LAMA2: variants seen among roughly 807,000 people sequenced by gnomAD.
LAMA2 encodes the protein laminin subunit alpha 2.
Under a neutral mutation model 364.8 loss-of-function variants are expected in LAMA2, and 269 were observed. The ratio of observed to expected loss-of-function variants is 0.74; its 90% confidence interval spans 0.67 to 0.82. The LOEUF is 0.82. LAMA2 is among the 40% of genes least tolerant of loss of function. LAMA2 has a pLI of 0.00. For missense variants in LAMA2, 3,807 were observed against 3,873.2 expected, an observed-to-expected ratio of 0.98 and a Z score of 0.45; for synonymous variants, 1,379 against 1,370.6, an observed-to-expected ratio of 1.01 and a Z score of -0.14.
At chr6:128,905,866 T>A (rs1777427760) in intron 1 of LAMA2, among the ~76,000 whole-genome samples, 1 of 151,852 alleles carries the variant, frequency 6.6e-6, no homozygotes, top group African/African-American at 2.4e-5. Context: ...TTCCCACCTA[T>A]GATTGAGAAC....
In LAMA2 at chr6:129,049,960, T is replaced by A; in HGVS notation, c.155T>A (p.Ile52Asn). The change falls in exon 2 of 65, where the codon ATC becomes AAC. Residue 52 changes from isoleucine to asparagine, a missense_variant. Transcript: ENST00000421865. ...CTGAATCTTGCTTCTAATGCTCTTA[T>A]CACGACCAATGCAACATGTGGAGAA... ...AVLNLASNAL[I>N]TTNATCGEKG... The A allele has an allele frequency of 1.9e-6, 3 of 1,614,070 alleles. No individual in the cohort carries two copies. Among genetic ancestry groups the A allele is most frequent in the Non-Finnish European group, 2.5e-6 (3 of 1,179,930 alleles).
intron 45 of LAMA2, among the ~76,000 whole-genome samples, chr6:129,449,734 C>T (rs905391536): frequency 6.6e-6 from 1 of 151,322 alleles, no homozygotes; most frequent in African/African-American, 2.4e-5. Context: ...TTTAAAATGG[C>T]TTCTCTCTTA....
rs571223547 is a variant in LAMA2 at position 128,965,416 on chromosome 6, C to T, written c.112+82059C>T. Among the ~76,000 whole-genome samples, 48 of 152,034 alleles carry T rather than the reference C, an allele frequency of 3.2e-4. No homozygotes were observed. In the Middle Eastern group the frequency reaches 0.01, roughly 32 times the overall value. On this transcript the variant is annotated intron_variant, in intron 1 of 64. Transcript: ENST00000421865. ...TAGAAAACACAAATTCTGTTATATT[C>T]CAGGAGGAAGGAAATTGCCTTAGGA...
At chr6:129,077,287 G>A (rs977318821) in intron 3 of LAMA2, among the ~76,000 whole-genome samples, 2 of 152,044 alleles carry the variant, frequency 1.3e-5, no homozygotes, top group African/African-American at 4.8e-5. Flanking sequence ...ATATGGGAAT[G>A]TTTATAAAAC....
At chr6:129,051,157 T>C (rs1010906326) in intron 2 of LAMA2, among the ~76,000 whole-genome samples, 1 of 148,872 alleles carries the variant, frequency 6.7e-6, no homozygotes, top group Non-Finnish European at 1.5e-5. Flanking sequence ...CCTTCTTCTC[T>C]TCTCCTCGCT....
intron 1 of LAMA2, among the ~76,000 whole-genome samples, chr6:128,942,439 A>T (rs1780215290): frequency 6.6e-6 from 1 of 152,194 alleles, no homozygotes; most frequent in South Asian, 2.1e-4. Context: ...CAAAAGGAAA[A>T]GCAAAAAAAG....
chr6:129,317,076 A>G (rs971535235), intron 27 of LAMA2, among the ~76,000 whole-genome samples: 1 of 152,192 alleles, frequency 6.6e-6, no homozygotes, highest in Non-Finnish European at 1.5e-5. Flanking sequence ...TAATAGAGGA[A>G]CCAGGAGACT....
intron 3 of LAMA2, among the ~76,000 whole-genome samples, chr6:129,075,905 G>A (rs939260376): frequency 5.3e-5 from 8 of 151,942 alleles, no homozygotes; most frequent in South Asian, 4.2e-4. Flanking sequence ...CAACCAGCCC[G>A]GGCAACAAAG....
At chr6:129,233,655 G>T (rs1000573633) in intron 12 of LAMA2, among the ~76,000 whole-genome samples, 1 of 152,096 alleles carries the variant, frequency 6.6e-6, no homozygotes, top group Non-Finnish European at 1.5e-5. Context: ...CTCAGGGGAG[G>T]CAGAGACAGA....
At chr6:129,140,552 C>T (rs1400561813) in intron 4 of LAMA2, among the ~76,000 whole-genome samples, 1 of 152,064 alleles carries the variant, frequency 6.6e-6, no homozygotes, top group Non-Finnish European at 1.5e-5. Context: ...CAGGTCCTCA[C>T]AGCAAGACAG....
At chr6:129,218,281 C>T (rs561044450) in intron 12 of LAMA2, among the ~76,000 whole-genome samples, 16 of 152,140 alleles carry the variant, frequency 1.1e-4, no homozygotes, top group Admixed American at 3.3e-4. Context: ...AAGGAAGGAA[C>T]GCATTTTACT....
chr6:129,395,133 G>C (rs1157586681), intron 37 of LAMA2, among the ~76,000 whole-genome samples: 4 of 151,592 alleles, frequency 2.6e-5, no homozygotes, highest in Non-Finnish European at 4.4e-5. Context: ...CTGCTCTGGG[G>C]TTTGGCCCCA....
intron 3 of LAMA2, among the ~76,000 whole-genome samples, chr6:129,093,377 A>T (rs906647101): frequency 9.9e-5 from 15 of 151,970 alleles, no homozygotes; most frequent in Admixed American, 9.8e-4. Context: ...ACATGGGTAT[A>T]GGTGAGCTAA....
intron 22 of LAMA2, among the ~76,000 whole-genome samples, chr6:129,308,192 A>G (rs1583461189): frequency 6.6e-6 from 1 of 152,244 alleles, no homozygotes; most frequent in African/African-American, 2.4e-5. Context: ...AAAATGCAAG[A>G]GAGCTACATT....
chr6:129,057,926 C>T (rs578194855), intron 2 of LAMA2, among the ~76,000 whole-genome samples: 2 of 148,598 alleles, frequency 1.3e-5, no homozygotes, highest in South Asian at 4.2e-4. Flanking sequence ...TCATTCGAAA[C>T]ATCTTCCCAG....
chr6:128,928,470 A>C (rs1176612717), intron 1 of LAMA2, among the ~76,000 whole-genome samples: 2 of 152,214 alleles, frequency 1.3e-5, no homozygotes, highest in African/African-American at 4.8e-5. Flanking sequence ...ACAGCTGATG[A>C]AACTAAATCC....
chr6:129,464,196 A>G, intron 49 of LAMA2, 94 bp from the exon 50 acceptor site: 1 of 1,103,238 alleles, frequency 9.1e-7, no homozygotes, highest in Non-Finnish European at 1.4e-6. Flanking sequence ...CTGCCCTACA[A>G]CAGCCTATAG....
rs573764871 is a variant in LAMA2, at chr6:129,401,724, G to A, written c.5562+384G>A. On this transcript the variant is annotated intron_variant, in intron 38 of 64. Coordinates refer to ENST00000421865, the MANE Select transcript of LAMA2 (RefSeq NM_000426.4). ...TCTAATGCATTACATAGAGTGATAT[G>A]TGGTCATAGAAATGCAAATGGCCTA... 4.6e-5 allele frequency among the ~76,000 whole-genome samples: 7 copies of A among 152,316 alleles called. No homozygotes were observed. In the East Asian group the frequency reaches 9.6e-4, roughly 21 times the overall value.
intron 1 of LAMA2, among the ~76,000 whole-genome samples, chr6:128,978,400 A>T (rs1158077400): frequency 2.1e-5 from 3 of 145,988 alleles, no homozygotes; most frequent in Non-Finnish European, 4.5e-5. Flanking sequence ...TCACTGCAAC[A>T]TTCGCCTCCC....
Sources: gnomAD v4.1 joint callset for allele counts (sites outside exome capture counted in the v4.1 genomes callset) on GRCh38, gnomAD v4.1.1 for gene constraint, MANE v1.5 for transcripts, NCBI Gene and HGNC (gene_info 2026-07-23, HGNC 2026-07-21) for gene names.